SMAD3: variants seen among roughly 807,000 people sequenced by gnomAD.
The protein encoded by SMAD3 is SMAD family member 3, also known as MAD homolog 3.
Under a neutral mutation model 51.8 loss-of-function variants are expected in SMAD3, and 12 were observed. The ratio of observed to expected loss-of-function variants is 0.23; its 90% CI spans 0.15 to 0.38. The LOEUF (loss-of-function observed/expected upper bound fraction) is 0.38, where lower values mean the gene tolerates loss of function less well. Ranked by LOEUF, SMAD3 falls within the 10% of genes least tolerant of loss-of-function variation. The pLI is 1.00. For missense variants in SMAD3, 294 were observed against 565.6 expected, an observed-to-expected ratio of 0.52 and a Z score of 4.87; for synonymous variants, 238 against 227.7, an observed-to-expected ratio of 1.05 and a Z score of -0.41.
chr15:67,187,825 A>T (rs796635429), intron 8 of SMAD3, among the ~76,000 whole-genome samples: 5 of 152,312 alleles, frequency 3.3e-5, no homozygotes, highest in African/African-American at 1.2e-4. Context: ...AGGCCCAGGG[A>T]GGGAGAGTGA....
At chr15:67,152,445 C>T (rs1429713751) in intron 1 of SMAD3, among the ~76,000 whole-genome samples, 1 of 152,190 alleles carries the variant, frequency 6.6e-6, no homozygotes, top group Non-Finnish European at 1.5e-5. Flanking sequence ...GAAGATGGGT[C>T]TAAACACACC....
intron 1 of SMAD3, among the ~76,000 whole-genome samples, chr15:67,072,227 C>A (rs1189477676): frequency 6.6e-6 from 1 of 152,098 alleles, no homozygotes; most frequent in Non-Finnish European, 1.5e-5. Context: ...ATGAACTGAG[C>A]GACCATTAAT....
intron 1 of SMAD3, among the ~76,000 whole-genome samples, chr15:67,153,413 A>G (rs1012637225): frequency 6.9e-6 from 1 of 145,520 alleles, no homozygotes; most frequent in Non-Finnish European, 1.5e-5. Flanking sequence ...AATCACCTGA[A>G]CTGGAGGTTG....
chr15:67,188,211 C>T (rs1159146571), intron 8 of SMAD3, among the ~76,000 whole-genome samples: 1 of 140,852 alleles, frequency 7.1e-6, no homozygotes, highest in Non-Finnish European at 1.5e-5. Flanking sequence ...AAGTGAGTGG[C>T]ACCATCTTGG....
chr15:67,140,957 A>G (rs1961803037), intron 1 of SMAD3, among the ~76,000 whole-genome samples: 1 of 152,228 alleles, frequency 6.6e-6, no homozygotes, highest in Non-Finnish European at 1.5e-5. Context: ...AAGAGAAGCC[A>G]AAAATCAAGA....
At chr15:67,178,397 G>C (rs936875677) in intron 5 of SMAD3, among the ~76,000 whole-genome samples, 12 of 152,152 alleles carry the variant, frequency 7.9e-5, no homozygotes, top group Non-Finnish European at 8.8e-5. Flanking sequence ...TGAGGACCCT[G>C]TTCTGTTCTA....
intron 1 of SMAD3, among the ~76,000 whole-genome samples, chr15:67,069,654 G>T (rs1595883776): frequency 6.6e-6 from 1 of 152,046 alleles, no homozygotes; most frequent in South Asian, 2.1e-4. Context: ...GAAAATTGGA[G>T]AATTGAAGCA....
intron 5 of SMAD3, 193 bp downstream of exon 5, chr15:67,170,797 G>T (rs941329138): frequency 4.1e-5 from 24 of 580,254 alleles, no homozygotes; most frequent in Non-Finnish European, 7.1e-5. Context: ...AACAGTGGTG[G>T]CAGGAAAGAC....
At chr15:67,088,329 T>G (rs1960437520) in intron 1 of SMAD3, among the ~76,000 whole-genome samples, 1 of 151,528 alleles carries the variant, frequency 6.6e-6, no homozygotes. Flanking sequence ...TTGGAGGAGG[T>G]GAGGTGGGTG....
At chr15:67,150,844 A>ATTTTTT (rs1962117313) in intron 1 of SMAD3, among the ~76,000 whole-genome samples, 1 of 15,266 alleles carries the variant, frequency 6.6e-5, no homozygotes, top group Non-Finnish European at 1.5e-4. Flanking sequence ...GCTATTTCTC[A>ATTTTTT]GTCTTTTTTT....
intron 1 of SMAD3, among the ~76,000 whole-genome samples, chr15:67,150,250 C>T (rs553640535): frequency 2.0e-5 from 3 of 152,138 alleles, no homozygotes; most frequent in East Asian, 1.9e-4. Flanking sequence ...TCTCTCTAGC[C>T]GGTGACTCAT....
chr15:67,096,734 G>A (rs1276997107), intron 1 of SMAD3, among the ~76,000 whole-genome samples: 1 of 151,986 alleles, frequency 6.6e-6, no homozygotes, highest in Non-Finnish European at 1.5e-5. Flanking sequence ...TGGCATCCTG[G>A]GGCTGGAGGT....
At chr15:67,087,925 C>T (rs976381254) in intron 1 of SMAD3, among the ~76,000 whole-genome samples, 5 of 152,086 alleles carry the variant, frequency 3.3e-5, no homozygotes, top group African/African-American at 1.2e-4. Flanking sequence ...TGATGCCAGC[C>T]CTGCCTGAAA....
In SMAD3 at chr15:67,190,859, A is replaced by T. The variant is rs1595966447; in HGVS notation, c.*323A>T. On this transcript the variant is annotated 3_prime_UTR_variant, in exon 9 of 9. Coordinates refer to ENST00000327367, the MANE Select transcript of SMAD3 (RefSeq NM_005902.4). The stretch of plus-strand genomic sequence containing the variant: ...TCCCCCCAGACTCTTTTTTTGAGTG[A>T]CAGCTTTCTGGGATGTCACAGTCCA... The T allele has an allele frequency of 2.3e-6, 1 of 430,194 alleles. No individual in the cohort carries two copies. 26.6% of individuals were successfully genotyped at this position (430,194 alleles called of 1,614,324 possible). A position where few individuals can be genotyped will look rare whatever the true frequency, so the allele number is the denominator to read the frequency against.
chr15:67,106,413 G>GTA (rs1960878049), intron 1 of SMAD3, among the ~76,000 whole-genome samples: 1 of 152,116 alleles, frequency 6.6e-6, no homozygotes. Context: ...GCTGGCGAAT[G>GTA]TGAGTCAGGT....
chr15:67,075,139 A>C (rs1960141340), intron 1 of SMAD3, among the ~76,000 whole-genome samples: 1 of 152,166 alleles, frequency 6.6e-6, no homozygotes, highest in Non-Finnish European at 1.5e-5. Context: ...TTCCTTAAAA[A>C]ATCACCTCTG....
intron 1 of SMAD3, among the ~76,000 whole-genome samples, chr15:67,080,430 C>T (rs953892338): frequency 6.6e-6 from 1 of 152,150 alleles, no homozygotes; most frequent in Non-Finnish European, 1.5e-5. Flanking sequence ...GTGGGGGTGG[C>T]AGTGGCAGGG....
chr15:67,067,287 G>C (rs1959947360), intron 1 of SMAD3, among the ~76,000 whole-genome samples: 1 of 152,206 alleles, frequency 6.6e-6, no homozygotes, highest in African/African-American at 2.4e-5. Context: ...GCTAGGTCGG[G>C]CGGGAGCCCA....
intron 1 of SMAD3, among the ~76,000 whole-genome samples, chr15:67,136,328 C>CTTTTTTT (rs11355676): frequency 5.1e-5 from 7 of 137,120 alleles, no homozygotes; most frequent in Non-Finnish European, 3.2e-5. Context: ...GTCAGTCATT[C>CTTTTTTT]TTTTTTTTTT....
Sources: gnomAD v4.1 joint callset for allele counts (sites outside exome capture counted in the v4.1 genomes callset) on GRCh38, gnomAD v4.1.1 for gene constraint, MANE v1.5 for transcripts, NCBI Gene and HGNC (gene_info 2026-07-23, HGNC 2026-07-21) for gene names.